Variants in CHD7 observed in about 807,000 individuals in gnomAD.
CHD7 encodes chromodomain helicase DNA binding protein 7, also known as ATP-dependent chromatin remodeler CHD7.
CHD7 carries 24 observed loss-of-function variants against 307.3 expected under a neutral mutation model. The observed-to-expected ratio is 0.08, with a 90% CI of 0.06 to 0.11. CHD7 has a LOEUF of 0.11. Among genes scored for constraint, CHD7 ranks in the 10% least tolerant of loss-of-function variants. CHD7 has a pLI of 1.00. For synonymous variants in CHD7, 1,363 were observed against 1,349.9 expected (o/e 1.01, Z -0.21); for missense variants, 3,106 against 3,727.1 (o/e 0.83, Z 4.34).
At chr8:60,821,712 A>C in intron 9 of CHD7, 78 bp from the exon 10 acceptor site, 1 of 1,242,030 alleles carries the variant, frequency 8.1e-7, no homozygotes, top group Non-Finnish European at 1.1e-6. Context: ...ATGTATAAAC[A>C]TATATATACA....
rs984486591 is a variant in CHD7 at position 60,866,808 on chromosome 8, T to C, written c.*875T>C. ...TTGTTGTGATGTCCTTTTATTTTTTTCTTTGAAAACTGCTATCATGTAAGA... is the reference window on the plus strand; with the variant it reads ...TTGTTGTGATGTCCTTTTATTTTTTCCTTTGAAAACTGCTATCATGTAAGA... On this transcript the variant is annotated 3_prime_UTR_variant, in exon 38 of 38. Coordinates refer to ENST00000423902, the MANE Select transcript of CHD7 (RefSeq NM_017780.4). 6.5e-6 allele frequency: 1 copy of C among 152,688 alleles called. No individual in the cohort carries two copies. The highest frequency in any genetic ancestry group is 1.5e-5 in the Non-Finnish European group (1 of 68,040). 9.5% of individuals were successfully genotyped at this position (152,688 alleles called of 1,614,324 possible). A position where few individuals can be genotyped will look rare whatever the true frequency, so the allele number is the denominator to read the frequency against.
chr8:60,737,222 C>T (rs1316570756), intron 1 of CHD7, among the ~76,000 whole-genome samples: 1 of 151,994 alleles, frequency 6.6e-6, no homozygotes, highest in Non-Finnish European at 1.5e-5. Flanking sequence ...ATGCTTGTTT[C>T]CTAAAAGTTA....
intron 2 of CHD7, among the ~76,000 whole-genome samples, chr8:60,744,029 G>A (rs919016887): frequency 6.6e-6 from 1 of 152,194 alleles, no homozygotes; most frequent in South Asian, 2.1e-4. Flanking sequence ...ATACAGAGGA[G>A]TGAGAGACCA....
chr8:60,693,408 C>CAG (rs1288892731), intron 1 of CHD7, among the ~76,000 whole-genome samples: 1 of 152,234 alleles, frequency 6.6e-6, no homozygotes, highest in Non-Finnish European at 1.5e-5. Context: ...GGGGCACCTG[C>CAG]AGAGAGAGGG....
At chr8:60,853,917 A>G (rs1805591112) in intron 31 of CHD7, among the ~76,000 whole-genome samples, 1 of 152,242 alleles carries the variant, frequency 6.6e-6, no homozygotes, top group Non-Finnish European at 1.5e-5. Flanking sequence ...GTGGGAATAG[A>G]ATCTAAAAAT....
intron 7 of CHD7, among the ~76,000 whole-genome samples, chr8:60,812,354 C>G (rs902379002): frequency 6.6e-6 from 1 of 151,984 alleles, no homozygotes; most frequent in African/African-American, 2.4e-5. Context: ...AATTGTTGTT[C>G]TAGCACCATT....
chr8:60,861,166 G>A, intron 35 of CHD7, 41 bp downstream of exon 35: 2 of 1,460,432 alleles, frequency 1.4e-6, no homozygotes, highest in Non-Finnish European at 1.9e-6. Flanking sequence ...AATCTTGCAG[G>A]CCGGTCCACT....
intron 2 of CHD7, among the ~76,000 whole-genome samples, chr8:60,745,001 C>T (rs1409873212): frequency 6.7e-6 from 1 of 149,950 alleles, no homozygotes; most frequent in African/African-American, 2.4e-5. Flanking sequence ...TTCAGGGAAG[C>T]TGCCCTCAGC....
Position 60,856,635 on chromosome 8 carries a change from C to T in CHD7, c.7355C>T (p.Thr2452Ile), listed in dbSNP as rs746021992. ...TTATCAAAGGCCTCAAGAGAGGCAA[C>T]AAGCTCTACCTCAAATTTTTCATCT... ...VDLSKASREA[T>I]SSTSNFSSLS... The change falls in exon 34 of 38, where the codon ACA becomes ATA. Residue 2452 changes from threonine (T) to isoleucine (I), a missense_variant. Physicochemically the swap from Thr to Ile is moderately conservative, Grantham distance 89 (BLOSUM62 -1). Coordinates refer to ENST00000423902, the MANE Select transcript of CHD7 (RefSeq NM_017780.4). 4 of 1,614,034 alleles carry T rather than the reference C, an allele frequency of 2.5e-6. No homozygotes were observed. Among genetic ancestry groups the T allele is most frequent in the East Asian group, 2.2e-5 (1 of 44,888 alleles).
chr8:60,795,001 C>G lies in CHD7; in HGVS notation c.2112C>G (p.Asp704Glu). 1 of 1,613,276 alleles carries G rather than the reference C, an allele frequency of 6.2e-7. No homozygotes were observed. The highest frequency in any genetic ancestry group is 8.5e-7 in the Non-Finnish European group (1 of 1,179,628). ...TGAATTCTAGTAATAAGAAACCTGA[C>G]TCAGAAGCAAGTGCTTTGAAGAAAA... is the stretch of plus-strand genomic sequence containing the variant. ...SSKKSSNKKPDSEASALKKKV... is the reference protein window; with the variant it reads ...SSKKSSNKKPESEASALKKKV... The change falls in exon 4 of 38, where the codon GAC becomes GAG. Residue 704 changes from aspartate to glutamate, a missense_variant. By Grantham distance (45) the Asp-to-Glu change is conservative (BLOSUM62 2). Coordinates refer to ENST00000423902, the MANE Select transcript of CHD7 (RefSeq NM_017780.4).
intron 2 of CHD7, among the ~76,000 whole-genome samples, chr8:60,766,390 A>AG (rs1350698697): frequency 6.6e-6 from 1 of 152,206 alleles, no homozygotes; most frequent in Admixed American, 6.5e-5. Flanking sequence ...TTTTTCTGTG[A>AG]GGGAGATGGG....
rs369433978 is a variant in CHD7 at position 60,853,171 on chromosome 8, G to A, written c.6446G>A (p.Gly2149Glu). The A allele has an allele frequency of 6.2e-7, 1 of 1,613,852 alleles. No individual in the cohort carries two copies. The highest frequency in any genetic ancestry group is 1.1e-5 in the South Asian group (1 of 91,050). Residue 2149 changes from glycine (G) to glutamate (E), a missense_variant, in exon 31 of 38, where the codon GGA becomes GAA. Physicochemically the swap from Gly to Glu is moderately conservative, Grantham distance 98. Transcript: ENST00000423902. Reference sequence around the variant, plus strand: ...TCTTCCTTGAACCCACTGGCAGTTGGATTTGTCCAGACTCCTCCAGTCATC... The same window carrying A: ...TCTTCCTTGAACCCACTGGCAGTTGAATTTGTCCAGACTCCTCCAGTCATC... Reference protein sequence around the residue: ...NTSSLNPLAVGFVQTPPVISS... With the variant: ...NTSSLNPLAVEFVQTPPVISS...
At chr8:60,788,255 C>CT (rs535258957) in intron 3 of CHD7, among the ~76,000 whole-genome samples, 13 of 151,184 alleles carry the variant, frequency 8.6e-5, no homozygotes, top group African/African-American at 1.9e-4. Context: ...CTCAGTCTCT[C>CT]TTTTTTTTTA....
At chr8:60,762,720 C>CT (rs1236210584) in intron 2 of CHD7, among the ~76,000 whole-genome samples, 4 of 152,180 alleles carry the variant, frequency 2.6e-5, no homozygotes, top group South Asian at 2.1e-4. Context: ...CCACTGTACT[C>CT]TGAGTTGAGT....
chr8:60,831,293 T>C (rs1395883424), intron 15 of CHD7, among the ~76,000 whole-genome samples: 1 of 151,984 alleles, frequency 6.6e-6, no homozygotes, highest in African/African-American at 2.4e-5. Flanking sequence ...GGGGAGTCTT[T>C]AGAAGGAGAT....
At chr8:60,828,562 G>T in intron 13 of CHD7, 101 bp from the exon 14 acceptor site, 1 of 1,078,376 alleles carries the variant, frequency 9.3e-7, no homozygotes. Context: ...GCATAGGGTA[G>T]ATGAGTAGGA....
At chr8:60,778,623 C>A (rs1254776865) in intron 2 of CHD7, among the ~76,000 whole-genome samples, 1 of 152,176 alleles carries the variant, frequency 6.6e-6, no homozygotes, top group Non-Finnish European at 1.5e-5. Flanking sequence ...GGTATTAATT[C>A]TCCATTCTAA....
chr8:60,762,583 G>T (rs116704852), intron 2 of CHD7, among the ~76,000 whole-genome samples: 1 of 152,162 alleles, frequency 6.6e-6, no homozygotes, highest in Non-Finnish European at 1.5e-5. Flanking sequence ...GATAATACAT[G>T]TACTGTGCTT....
At position 60,745,291 on chromosome 8, in the gene CHD7, C is replaced by T. The variant is rs116075497; in HGVS notation, c.1665+2194C>T. Among the ~76,000 whole-genome samples the T allele has an allele frequency of 4.8e-3, 731 of 152,292 alleles. 9 individuals carry two copies. The highest frequency in any genetic ancestry group is 0.016 in the African/African-American group (674 of 41,556). ...TCATTCCGACATCCTCTGTCTTCAC[C>T]GGAGGGTGAGCACAGTTTGGAAGAC... is the stretch of plus-strand genomic sequence containing the variant. On this transcript the variant is annotated intron_variant, in intron 2 of 37. Coordinates refer to ENST00000423902, the MANE Select transcript of CHD7 (RefSeq NM_017780.4).
Sources: allele counts gnomAD v4.1 joint callset (sites outside exome capture counted in the v4.1 genomes callset), GRCh38; gene constraint gnomAD v4.1.1; transcripts MANE v1.5; gene names NCBI Gene and HGNC (gene_info 2026-07-23, HGNC 2026-07-21).